DPP6: variants seen among roughly 807,000 people sequenced by gnomAD.
DPP6 encodes the protein A-type potassium channel modulatory protein DPP6.
A neutral mutation model predicts 122.6 loss-of-function variants in DPP6; 69 were observed. The ratio of observed to expected loss-of-function variants is 0.56; its 90% CI spans 0.46 to 0.69. DPP6 has a LOEUF of 0.69. Ranked by LOEUF, DPP6 falls within the 30% of genes least tolerant of loss-of-function variation. The pLI is 0.00. For synonymous variants in DPP6, 418 were observed against 433.1 expected (o/e 0.97, Z 0.43); for missense variants, 928 against 1,116.9 (o/e 0.83, Z 2.41).
At chr7:154,033,082 G>C (rs1237547472) in intron 1 of DPP6, among the ~76,000 whole-genome samples, 2 of 152,022 alleles carry the variant, frequency 1.3e-5, no homozygotes, top group African/African-American at 2.4e-5. Context: ...ATAGTTCCTG[G>C]GTGGTAAGTG....
intron 1 of DPP6, among the ~76,000 whole-genome samples, chr7:153,974,783 T>C (rs1480984443): frequency 6.6e-6 from 1 of 152,196 alleles, no homozygotes; most frequent in Non-Finnish European, 1.5e-5. Flanking sequence ...GAGACTCTGG[T>C]GCAAGGCAGT....
chr7:154,268,460 C>T (rs1381158305), intron 1 of DPP6, among the ~76,000 whole-genome samples: 3 of 152,164 alleles, frequency 2.0e-5, no homozygotes, highest in South Asian at 2.1e-4. Context: ...AGAGGTCTCC[C>T]TCTGGGATTT....
At chr7:154,740,870 C>A (rs192915844) in intron 8 of DPP6, among the ~76,000 whole-genome samples, 2 of 152,154 alleles carry the variant, frequency 1.3e-5, no homozygotes, top group African/African-American at 2.4e-5. Context: ...CTTATCCCCA[C>A]GTGAAACCTA....
chr7:154,840,525 C>T (rs1191208307), intron 16 of DPP6, among the ~76,000 whole-genome samples: 1 of 152,168 alleles, frequency 6.6e-6, no homozygotes, highest in African/African-American at 2.4e-5. Flanking sequence ...CCTGAGTTTC[C>T]CAACACACCA....
intron 2 of DPP6, among the ~76,000 whole-genome samples, chr7:154,461,102 G>A (rs370548607): frequency 2.0e-5 from 3 of 151,376 alleles, no homozygotes; most frequent in Non-Finnish European, 2.9e-5. Flanking sequence ...AACATGCCAA[G>A]TATGTCTTTC....
intron 1 of DPP6, among the ~76,000 whole-genome samples, chr7:153,977,892 T>G (rs1427517012): frequency 7.2e-5 from 11 of 152,162 alleles, no homozygotes; most frequent in Non-Finnish European, 8.8e-5. Context: ...ACTCATTCTT[T>G]TTATGGCTGC....
At chr7:154,051,676 C>A (rs1419429925), upstream of DPP6, among the ~76,000 whole-genome samples, 7 of 151,004 alleles carry the variant, frequency 4.6e-5, no homozygotes, top group Non-Finnish European at 1.0e-4. Flanking sequence ...CCTCCGCCTG[C>A]GTTCATGATA....
chr7:154,249,464 A>C (rs1004735246), intron 1 of DPP6, among the ~76,000 whole-genome samples: 1 of 152,234 alleles, frequency 6.6e-6, no homozygotes, highest in African/African-American at 2.4e-5. Context: ...TACTCTTGCA[A>C]ACATCCGGTG....
chr7:154,159,238 G>A (rs1386982839), intron 1 of DPP6, among the ~76,000 whole-genome samples: 3 of 152,102 alleles, frequency 2.0e-5, no homozygotes, highest in Admixed American at 2.0e-4. Context: ...CCTCTTCTTG[G>A]CGTTCATCCT....
At chr7:154,147,496 T>TCCTTCCTTCC in intron 1 of DPP6, among the ~76,000 whole-genome samples, 1 of 148,250 alleles carries the variant, frequency 6.7e-6, no homozygotes, top group African/African-American at 2.6e-5. Context: ...CTTCCTTTCT[T>TCCTTCCTTCC]TTTCTGTCGG....
intron 1 of DPP6, among the ~76,000 whole-genome samples, chr7:154,177,670 A>T (rs1376355431): frequency 1.3e-5 from 2 of 152,202 alleles, no homozygotes; most frequent in South Asian, 2.1e-4. Flanking sequence ...ATCATCTGTG[A>T]TATGAAAATT....
intron 21 of DPP6, among the ~76,000 whole-genome samples, chr7:154,883,334 TCA>T (rs1192902738): frequency 2.2e-4 from 25 of 116,230 alleles, no homozygotes; most frequent in African/African-American, 2.8e-4. Context: ...ACACATGGTG[TCA>T]CACACACGCT....
intron 2 of DPP6, 142 bp from the exon 3 acceptor site, chr7:154,474,797 C>A: frequency 1.6e-6 from 1 of 609,918 alleles, no homozygotes; most frequent in Non-Finnish European, 2.8e-6. Flanking sequence ...GAATGCAAGA[C>A]TGGCTTTTAT....
chr7:153,961,027 G>A (rs2531109), intron 1 of DPP6, among the ~76,000 whole-genome samples: 118,654 of 149,864 alleles, frequency 0.79, 48,062 homozygotes, highest in East Asian at 1. Flanking sequence ...CCCGGCTTTG[G>A]GCTTCCATAC....
intron 1 of DPP6, among the ~76,000 whole-genome samples, chr7:154,347,503 A>T (rs1008915200): frequency 1.3e-5 from 2 of 152,248 alleles, no homozygotes; most frequent in Admixed American, 6.5e-5. Flanking sequence ...ACTATAATTT[A>T]TCTTTGCTGA....
intron 1 of DPP6, among the ~76,000 whole-genome samples, chr7:154,410,943 A>C (rs1816544417): frequency 6.6e-6 from 1 of 152,156 alleles, no homozygotes; most frequent in Non-Finnish European, 1.5e-5. Context: ...CTTTTAGCTG[A>C]CTCTTAGAAA....
the DPP6 span, among the ~76,000 whole-genome samples, chr7:153,766,800 G>GT: frequency 6.6e-6 from 1 of 151,936 alleles, no homozygotes; most frequent in African/African-American, 2.4e-5. Context: ...AACAATAAAA[G>GT]TTTTTTAAAA....
At position 154,442,048 on chromosome 7, in the gene DPP6, C is replaced by T. The variant is rs145272922; in HGVS notation, c.244-4166C>T. ...TTACATCTTGCAGAATCCATTGCTGCTTATGGCCTCATTCACGCAACTGGG... is the reference window on the plus strand; with the variant it reads ...TTACATCTTGCAGAATCCATTGCTGTTTATGGCCTCATTCACGCAACTGGG... On this transcript the variant is annotated intron_variant, in intron 1 of 25. Coordinates refer to ENST00000377770, the MANE Select transcript of DPP6 (RefSeq NM_130797.4). 2.6e-5 allele frequency among the ~76,000 whole-genome samples: 4 copies of T among 152,336 alleles called. No homozygotes were observed. The East Asian group carries it at 7.7e-4, about 29-fold the overall frequency.
intron 20 of DPP6, among the ~76,000 whole-genome samples, chr7:154,880,523 G>A (rs755565862): frequency 2.2e-4 from 34 of 152,302 alleles, no homozygotes; most frequent in African/African-American, 7.0e-4. Context: ...CAGAGCCCGC[G>A]TGCTTGGAGT....
Sources: allele counts gnomAD v4.1 joint callset (sites outside exome capture counted in the v4.1 genomes callset), GRCh38; gene constraint gnomAD v4.1.1; transcripts MANE v1.5; gene names NCBI Gene and HGNC (gene_info 2026-07-23, HGNC 2026-07-21).